The following ZFYVE9 variants were observed in gnomAD, a reference collection of about 807,000 sequenced individuals.
ZFYVE9 encodes the protein zinc finger FYVE-type containing 9.
Under a neutral mutation model 126.7 loss-of-function variants are expected in ZFYVE9, and 43 were observed. The observed-to-expected ratio is 0.34, with a 90% CI of 0.27 to 0.44. The LOEUF (loss-of-function observed/expected upper bound fraction) is 0.44. Ranked by LOEUF, ZFYVE9 falls within the 20% of genes least tolerant of loss-of-function variation. ZFYVE9 has a pLI of 1.00. For missense variants in ZFYVE9, 1,476 were observed against 1,697.0 expected (o/e 0.87, Z 2.29); for synonymous variants, 521 against 597.4 (o/e 0.87, Z 1.87).
intron 12 of ZFYVE9, among the ~76,000 whole-genome samples, chr1:52,296,339 A>G (rs1645975139): frequency 6.6e-6 from 1 of 151,982 alleles, no homozygotes; most frequent in Admixed American, 6.6e-5. Context: ...TCTTGTTTTT[A>G]TTTTAAGACT....
intron 1 of ZFYVE9, among the ~76,000 whole-genome samples, chr1:52,160,853 T>A (rs942156969): frequency 2.0e-5 from 3 of 152,232 alleles, no homozygotes; most frequent in Non-Finnish European, 1.5e-5. Flanking sequence ...CAGTGTGGTC[T>A]GGCACATAGT....
chr1:52,290,363 C>T (rs543125748), intron 10 of ZFYVE9, among the ~76,000 whole-genome samples: 9 of 152,300 alleles, frequency 5.9e-5, no homozygotes, highest in African/African-American at 2.2e-4. Context: ...CCTCCTAGCA[C>T]CAAGTTTCCA....
intron 17 of ZFYVE9, among the ~76,000 whole-genome samples, chr1:52,343,278 T>C (rs1333079068): frequency 1.3e-5 from 2 of 151,796 alleles, no homozygotes; most frequent in Admixed American, 1.3e-4. Context: ...AAACCCCATC[T>C]CTACTAAAAA....
Position 52,253,987 on chromosome 1 carries a change from C to G in ZFYVE9, c.2179-9786C>G, listed in dbSNP as rs1035407208. On this transcript the variant is annotated intron_variant, in intron 4 of 18. Coordinates refer to ENST00000287727, the MANE Select transcript of ZFYVE9 (RefSeq NM_004799.4). ...GGAACCAAGTGGCTGGATTCATATT[C>G]CCTTAACTGATAATCATAGGAAGCC... The G allele has an allele frequency of 2.1e-4, 166 of 792,154 alleles. 1 individual carries two copies. The East Asian group carries it at 3.5e-3, about 16-fold the overall frequency. 49.1% of individuals were successfully genotyped at this position (792,154 alleles called of 1,614,324 possible). A position where few individuals can be genotyped will look rare whatever the true frequency, so the allele number is the denominator to read the frequency against.
intron 13 of ZFYVE9, among the ~76,000 whole-genome samples, chr1:52,329,106 A>G (rs1300532500): frequency 1.3e-5 from 2 of 152,228 alleles, no homozygotes; most frequent in Non-Finnish European, 2.9e-5. Context: ...AAGACTTAAT[A>G]TTGTTAAGAT....
At chr1:52,167,716 A>G (rs894215319) in intron 1 of ZFYVE9, among the ~76,000 whole-genome samples, 1 of 152,138 alleles carries the variant, frequency 6.6e-6, no homozygotes, top group Non-Finnish European at 1.5e-5. Flanking sequence ...AATCAAGAGT[A>G]CAGTAATACT....
rs749949808 is a variant in ZFYVE9 at position 52,238,742 on chromosome 1, T to C, written c.1325T>C (p.Leu442Ser). Reference sequence around the variant, plus strand: ...GATAGTGGAGGACAGTGTGTTGGATTGGCAGATGCAGGTCTAGATTTAAAA... The same window carrying C: ...GATAGTGGAGGACAGTGTGTTGGATCGGCAGATGCAGGTCTAGATTTAAAA... ...NGDSGGQCVG[L>S]ADAGLDLKGT... Residue 442 changes from leucine to serine, a missense_variant, in exon 4 of 19, where the codon TTG becomes TCG. Physicochemically the swap from Leu to Ser is moderately radical, Grantham distance 145. Coordinates refer to ENST00000287727, the MANE Select transcript of ZFYVE9 (RefSeq NM_004799.4). 48 of 1,614,102 alleles carry C rather than the reference T, an allele frequency of 3.0e-5. No individual in the cohort carries two copies. The highest frequency in any genetic ancestry group is 4.0e-5 in the Non-Finnish European group (47 of 1,179,966).
intron 13 of ZFYVE9, among the ~76,000 whole-genome samples, chr1:52,331,647 G>T (rs1225914993): frequency 6.6e-6 from 1 of 151,134 alleles, no homozygotes; most frequent in African/African-American, 2.4e-5. Context: ...AGCTACTCGG[G>T]AGGCTGAGGC....
chr1:52,224,453 C>G (rs1375001236), intron 2 of ZFYVE9, among the ~76,000 whole-genome samples: 3 of 152,158 alleles, frequency 2.0e-5, no homozygotes, highest in Non-Finnish European at 2.9e-5. Flanking sequence ...TTTGGCTTTG[C>G]TTTCTCATCC....
chr1:52,309,386 G>T (rs1248368593), intron 13 of ZFYVE9, among the ~76,000 whole-genome samples: 3 of 152,190 alleles, frequency 2.0e-5, no homozygotes, highest in Non-Finnish European at 4.4e-5. Flanking sequence ...GGCTGAGGTG[G>T]GAGGATCACC....
chr1:52,255,917 T>TC (rs1645505081), intron 4 of ZFYVE9, among the ~76,000 whole-genome samples: 1 of 84,178 alleles, frequency 1.2e-5, no homozygotes, highest in Non-Finnish European at 2.3e-5. Context: ...TCTTTTCTTT[T>TC]CTTTTCTTTT....
rs574754223 is a variant in ZFYVE9, at chr1:52,159,367, C to T, written c.-143+16964C>T. On this transcript the variant is annotated intron_variant, in intron 1 of 18. Coordinates refer to ENST00000287727, the MANE Select transcript of ZFYVE9 (RefSeq NM_004799.4). The stretch of plus-strand genomic sequence containing the variant: ...GTGCCAGTTTGAGTCCTTCAGGAAG[C>T]AGCTGCTGAGACAGGACTATAAGAG... Among the ~76,000 whole-genome samples, 20 of 152,274 alleles carry T rather than the reference C, an allele frequency of 1.3e-4. No individual in the cohort carries two copies. In the South Asian group the frequency reaches 2.3e-3, roughly 17 times the overall value.
chr1:52,168,283 C>T (rs1362905818), intron 1 of ZFYVE9, among the ~76,000 whole-genome samples: 1 of 130,282 alleles, frequency 7.7e-6, no homozygotes. Flanking sequence ...ATGGTGCGAT[C>T]TCAGCTTACT....
At chr1:52,256,538 C>T (rs1645521542) in intron 4 of ZFYVE9, among the ~76,000 whole-genome samples, 1 of 152,028 alleles carries the variant, frequency 6.6e-6, no homozygotes, top group African/African-American at 2.4e-5. Context: ...CCACCACGCT[C>T]AGCAGATTTG....
intron 1 of ZFYVE9, among the ~76,000 whole-genome samples, chr1:52,203,434 C>T (rs1034558427): frequency 4.8e-5 from 7 of 145,542 alleles, no homozygotes; most frequent in East Asian, 2.0e-4. Flanking sequence ...CCACCTGCCT[C>T]GGCCTCCCAA....
chr1:52,203,832 G>C (rs376577444), intron 1 of ZFYVE9, among the ~76,000 whole-genome samples: 12 of 152,034 alleles, frequency 7.9e-5, no homozygotes, highest in African/African-American at 2.9e-4. Flanking sequence ...CCTCAGTCAT[G>C]TCCTGTCTCC....
intron 12 of ZFYVE9, among the ~76,000 whole-genome samples, chr1:52,298,806 GTTTTTTTTTT>G (rs747544817): frequency 9.2e-6 from 1 of 109,198 alleles, no homozygotes; most frequent in African/African-American, 3.9e-5. Flanking sequence ...CTTTGTCAAT[GTTTTTTTTTT>G]TTTTTTTTTT....
At chr1:52,247,085 C>T (rs1345051782) in intron 4 of ZFYVE9, among the ~76,000 whole-genome samples, 2 of 152,116 alleles carry the variant, frequency 1.3e-5, no homozygotes, top group African/African-American at 4.8e-5. Flanking sequence ...TCACCTCGGC[C>T]TCCCCAAGTG....
chr1:52,170,086 T>C (rs1352346457), intron 1 of ZFYVE9, among the ~76,000 whole-genome samples: 1 of 152,228 alleles, frequency 6.6e-6, no homozygotes, highest in African/African-American at 2.4e-5. Flanking sequence ...TCATTTAATA[T>C]TCAGTTCAAA....
Sources: gnomAD v4.1 joint callset for allele counts (sites outside exome capture counted in the v4.1 genomes callset) on GRCh38, gnomAD v4.1.1 for gene constraint, MANE v1.5 for transcripts, NCBI Gene and HGNC (gene_info 2026-07-23, HGNC 2026-07-21) for gene names.